The following GNG2 variants were observed in gnomAD, a reference collection of about 807,000 sequenced individuals.
GNG2 encodes G protein subunit gamma 2, also known as guanine nucleotide-binding protein G(I)/G(S)/G(O) subunit gamma-2.
In GNG2, 5 loss-of-function variants were observed where a neutral mutation model predicts 5.5. The observed-to-expected ratio is 0.91, with a 90% CI of 0.48 to 1.92. The LOEUF (loss-of-function observed/expected upper bound fraction) is 1.92. GNG2 is among the 30% of genes most tolerant of loss of function. GNG2 has a pLI of 0.01. For synonymous variants in GNG2, 28 were observed against 32.0 expected (o/e 0.88, Z 0.42); for missense variants, 55 against 88.4 (o/e 0.62, Z 1.52).
rs1374100572 is a variant in GNG2, at chr14:51,914,422, A to G, written c.-29-36228A>G. 1.8e-5 allele frequency: 11 copies of G among 615,852 alleles called. No individual in the cohort carries two copies. In the Middle Eastern group the frequency reaches 8.3e-4, roughly 47 times the overall value. 38.1% of individuals were successfully genotyped at this position (615,852 alleles called of 1,614,324 possible). On this transcript the variant is annotated intron_variant, in intron 2 of 3. Transcript: ENST00000556766. ...GAAGGATCCTTGTGCTAAGGTTCCC[A>G]AGGTGCGGGAGGGATTAGAATGAAT...
At chr14:51,876,139 C>G (rs1023107172) in intron 1 of GNG2, among the ~76,000 whole-genome samples, 1 of 151,982 alleles carries the variant, frequency 6.6e-6, no homozygotes, top group South Asian at 2.1e-4. Context: ...ATGTCTCGCT[C>G]TGTTGCCCAG....
chr14:51,922,419 A>G (rs1212285156), intron 2 of GNG2, among the ~76,000 whole-genome samples: 2 of 152,122 alleles, frequency 1.3e-5, no homozygotes, highest in Non-Finnish European at 1.5e-5. Context: ...GTTTTTTGCT[A>G]TGGATGACTC....
intron 2 of GNG2, among the ~76,000 whole-genome samples, chr14:51,928,986 A>G (rs753445360): frequency 1.3e-5 from 2 of 152,248 alleles, no homozygotes; most frequent in Non-Finnish European, 2.9e-5. Context: ...AACTTTAAGC[A>G]TTTTTAAAGA....
chr14:51,830,328 A>T (rs962104777), intron 2 of GNG2, among the ~76,000 whole-genome samples: 3 of 151,944 alleles, frequency 2.0e-5, no homozygotes, highest in Non-Finnish European at 4.4e-5. Flanking sequence ...ATACCCCCTT[A>T]TTGAGCTCAT....
At chr14:51,865,926 T>C (rs1176191292) in intron 1 of GNG2, among the ~76,000 whole-genome samples, 2 of 141,730 alleles carry the variant, frequency 1.4e-5, no homozygotes, top group Non-Finnish European at 3.0e-5. Flanking sequence ...TCAGACAATC[T>C]CTAGAGGACT....
rs60014306 is a variant in GNG2 at position 51,932,271 on chromosome 14, A to AAAAAAAG, written c.-29-18378_-29-18377insAAAAAGA. ...CAAAAAAAAAAAAAAAAAAAAAAAA[A>AAAAAAAG]AGAAAAGAAAATATGGTATATATGC... On this transcript the variant is annotated intron_variant, in intron 2 of 3. Coordinates refer to ENST00000556766, the MANE Select transcript of GNG2 (RefSeq NM_053064.5). 2.5e-3 allele frequency among the ~76,000 whole-genome samples: 239 copies of AAAAAAAG among 96,328 alleles called. 42 individuals carry two copies. Among genetic ancestry groups the AAAAAAAG allele is most frequent in the African/African-American group, 2.5e-3 (61 of 24,414 alleles). 63.2% of individuals were successfully genotyped at this position (96,328 alleles called of 152,430 possible). A position where few individuals can be genotyped will look rare whatever the true frequency, so the allele number is the denominator to read the frequency against.
At chr14:51,872,812 TGCA>T (rs1883399039) in intron 1 of GNG2, among the ~76,000 whole-genome samples, 1 of 152,252 alleles carries the variant, frequency 6.6e-6, no homozygotes, top group Non-Finnish European at 1.5e-5. Context: ...CTTTCATGTT[TGCA>T]TTTTAAAAAT....
At chr14:51,964,531 G>C (rs1320611648) in intron 3 of GNG2, among the ~76,000 whole-genome samples, 1 of 152,130 alleles carries the variant, frequency 6.6e-6, no homozygotes, top group South Asian at 2.1e-4. Flanking sequence ...TCATAAATCA[G>C]CTGCCACTCC....
intron 2 of GNG2, among the ~76,000 whole-genome samples, chr14:51,835,111 C>A (rs936853552): frequency 6.6e-6 from 1 of 152,142 alleles, no homozygotes; most frequent in Non-Finnish European, 1.5e-5. Flanking sequence ...AAAGAGGAGA[C>A]AAAAGAAAGC....
At chr14:51,900,645 A>G (rs1200599129) in intron 2 of GNG2, among the ~76,000 whole-genome samples, 1 of 151,092 alleles carries the variant, frequency 6.6e-6, no homozygotes, top group Non-Finnish European at 1.5e-5. Context: ...CAGACTCAAT[A>G]CTTTTACTCC....
At chr14:51,921,439 G>T (rs1225502872) in intron 2 of GNG2, among the ~76,000 whole-genome samples, 1 of 152,330 alleles carries the variant, frequency 6.6e-6, no homozygotes, top group Non-Finnish European at 1.5e-5. Context: ...AAACAAAATA[G>T]TGTTTGGGAA....
intron 2 of GNG2, among the ~76,000 whole-genome samples, chr14:51,906,547 A>T (rs1303656806): frequency 6.6e-6 from 1 of 152,206 alleles, no homozygotes; most frequent in Non-Finnish European, 1.5e-5. Context: ...TGAATTGGAA[A>T]AGATTTCTTT....
At chr14:51,915,999 T>C (rs1886596599) in intron 2 of GNG2, 1 of 152,716 alleles carries the variant, frequency 6.5e-6, no homozygotes, top group Non-Finnish European at 1.5e-5. Flanking sequence ...ACAGTAAAAC[T>C]ATAAAAGAAT....
intron 2 of GNG2, among the ~76,000 whole-genome samples, chr14:51,842,425 C>G (rs1023367207): frequency 6.6e-6 from 1 of 152,184 alleles, no homozygotes; most frequent in Non-Finnish European, 1.5e-5. Flanking sequence ...ATAATGGAAC[C>G]TATGACTGGC....
At chr14:51,830,525 A>G (rs1196817406) in intron 2 of GNG2, among the ~76,000 whole-genome samples, 1 of 152,208 alleles carries the variant, frequency 6.6e-6, no homozygotes, top group African/African-American at 2.4e-5. Flanking sequence ...CTTCTCCTGC[A>G]TGTCTCCTGG....
chr14:51,832,549 G>C (rs769053917), intron 2 of GNG2, among the ~76,000 whole-genome samples: 1 of 152,072 alleles, frequency 6.6e-6, no homozygotes, highest in Non-Finnish European at 1.5e-5. Flanking sequence ...TCATAGACTG[G>C]GTTGTTTAAA....
At chr14:51,957,242 T>C (rs1889327665) in intron 3 of GNG2, among the ~76,000 whole-genome samples, 5 of 152,216 alleles carry the variant, frequency 3.3e-5, no homozygotes, top group Admixed American at 2.6e-4. Flanking sequence ...TTTGATTCTC[T>C]ACATCATTTC....
intron 2 of GNG2, among the ~76,000 whole-genome samples, chr14:51,855,176 C>A (rs1882100319): frequency 6.6e-6 from 1 of 152,218 alleles, no homozygotes; most frequent in Non-Finnish European, 1.5e-5. Context: ...GGGCTTCGCA[C>A]TACTGGCTGT....
chr14:51,947,599 CT>C (rs1888714253), intron 2 of GNG2, among the ~76,000 whole-genome samples: 1 of 152,190 alleles, frequency 6.6e-6, no homozygotes, highest in Non-Finnish European at 1.5e-5. Flanking sequence ...GAACACAGCC[CT>C]GCTTGTACCT....
Sources: gnomAD v4.1 joint callset for allele counts (sites outside exome capture counted in the v4.1 genomes callset) on GRCh38, gnomAD v4.1.1 for gene constraint, MANE v1.5 for transcripts, NCBI Gene and HGNC (gene_info 2026-07-23, HGNC 2026-07-21) for gene names.